The following IQGAP3 variants were observed in gnomAD, a reference collection of about 807,000 sequenced individuals.
IQGAP3 encodes the protein IQ motif containing GTPase activating protein 3.
A neutral mutation model predicts 208.2 loss-of-function variants in IQGAP3; 165 were observed. The observed-to-expected ratio is 0.79, with a 90% CI of 0.70 to 0.90. The LOEUF is 0.90. Among genes scored for constraint, IQGAP3 ranks in the 40% least tolerant of loss-of-function variants. The pLI is 0.00. For missense variants in IQGAP3, 1,811 were observed against 2,043.1 expected (o/e 0.89, Z 2.19); for synonymous variants, 703 against 803.6 (o/e 0.87, Z 2.12).
chr1:156,535,296 C>G, intron 27 of IQGAP3, 49 bp from the exon 28 acceptor site: 1 of 1,320,996 alleles, frequency 7.6e-7, no homozygotes. Context: ...GCCCATCTCT[C>G]TCTGCCAGAG....
rs1318857962 is a variant in IQGAP3 at position 156,544,444 on chromosome 1, T to G, written c.2333A>C (p.Lys778Thr). ...QAHWRGYRQR[K>T]IYLEWLQYFK... ...ATACTGCAACCACTCCAGGTAAATC[T>G]TCCGCTGCCTATAACCCCGCCAATG... Residue 778 changes from lysine to threonine, a missense_variant, in exon 20 of 38, where the codon AAG (lysine) becomes ACG (threonine). By Grantham distance (78) the Lys-to-Thr change is moderately conservative (BLOSUM62 -1). Transcript: ENST00000361170. 1.2e-6 allele frequency: 2 copies of G among 1,614,110 alleles called. No homozygotes were observed. The highest frequency in any genetic ancestry group is 3.3e-5 in the Admixed American group (2 of 60,018).
At chr1:156,544,087 G>C in intron 21 of IQGAP3, 37 bp from the exon 22 acceptor site, 2 of 1,613,080 alleles carry the variant, frequency 1.2e-6, no homozygotes, top group Non-Finnish European at 8.5e-7. Flanking sequence ...GTTGCTGGCT[G>C]TCCTTGCTCT....
chr1:156,530,327 C>T lies in IQGAP3; in HGVS notation c.4192-10G>A. On this transcript the variant is annotated splice_polypyrimidine_tract_variant and intron_variant, in intron 33 of 37. Coordinates refer to ENST00000361170, the MANE Select transcript of IQGAP3 (RefSeq NM_178229.5). ...GCTTGTGGGCTGCTTCCTGGGGACA[C>T]ACAGACGCTGGAGGGGTCTACCAGG... 1 of 1,602,888 alleles carries T rather than the reference C, an allele frequency of 6.2e-7. No homozygotes were observed. Among genetic ancestry groups the T allele is most frequent in the Non-Finnish European group, 8.5e-7 (1 of 1,179,042 alleles).
At chr1:156,532,906 C>T (rs1001333054) in intron 32 of IQGAP3, 74 bp downstream of exon 32, 2 of 1,563,306 alleles carry the variant, frequency 1.3e-6, no homozygotes, top group Non-Finnish European at 8.8e-7. Flanking sequence ...ATGGGCGCCT[C>T]AGAATAAGGC....
Position 156,529,981 on chromosome 1 carries a change from C to T in IQGAP3, c.4404+124G>A, listed in dbSNP as rs116399746. ...AAAAGGACCCTCAGCCTTCCTCTGG[C>T]TGGTGACAATTTTGGGTGAGGACTC... On this transcript the variant is annotated intron_variant, in intron 34 of 37. Transcript: ENST00000361170. 3,044 of 673,830 alleles carry T rather than the reference C, an allele frequency of 4.5e-3. 86 individuals carry two copies. The African/African-American group carries it at 0.051, about 11-fold the overall frequency. 41.7% of individuals were successfully genotyped at this position (673,830 alleles called of 1,614,324 possible).
chr1:156,560,217 AATT>A (rs1676081922), intron 11 of IQGAP3, among the ~76,000 whole-genome samples: 2 of 152,036 alleles, frequency 1.3e-5, no homozygotes, highest in African/African-American at 4.8e-5. Context: ...TGTAATAAAT[AATT>A]ATATTTGTGG....
Position 156,540,928 on chromosome 1 carries a change from G to A in IQGAP3, c.2531-12C>T. On this transcript the variant is annotated splice_polypyrimidine_tract_variant and intron_variant, in intron 22 of 37. Transcript: ENST00000361170. Reference sequence around the variant, plus strand: ...GTGGGGTGCATGCACTGGGAGGAAGGGAGGAGGCATCAGGATTAGCCATGC... The same window carrying A: ...GTGGGGTGCATGCACTGGGAGGAAGAGAGGAGGCATCAGGATTAGCCATGC... 6.2e-7 allele frequency: 1 copy of A among 1,610,206 alleles called. No homozygotes were observed.
intron 2 of IQGAP3, 39 bp from the exon 3 acceptor site, chr1:156,566,585 A>G: frequency 1.9e-6 from 3 of 1,601,028 alleles, no homozygotes; most frequent in Non-Finnish European, 2.6e-6. Flanking sequence ...ACTCTGGCAG[A>G]CCACAGTGAT....
intron 16 of IQGAP3, 146 bp downstream of exon 16, chr1:156,550,115 G>A (rs1675474224): frequency 8.1e-6 from 5 of 620,424 alleles, no homozygotes; most frequent in African/African-American, 3.7e-5. Context: ...CTGAACAGCA[G>A]CCCTCCTGCT....
rs761789610 is a variant in IQGAP3 at position 156,548,787 on chromosome 1, C to T, written c.1826-39G>A. 13 of 1,511,484 alleles carry T rather than the reference C, an allele frequency of 8.6e-6. No homozygotes were observed. The East Asian group carries it at 2.5e-4, about 29-fold the overall frequency. The allele number at this position is 1,511,484 out of a possible 1,614,324, so 93.6% of individuals were successfully genotyped here. A position where few individuals can be genotyped will look rare whatever the true frequency, so the allele number is the denominator to read the frequency against. On this transcript the variant is annotated intron_variant, in intron 16 of 37. Transcript: ENST00000361170. The stretch of plus-strand genomic sequence containing the variant: ...CAGGAGAGAGCAGTCAATCCTTCCC[C>T]CGAGTCCCTCCCATGGGCCTTGGCC...
In IQGAP3 at chr1:156,528,920, A is replaced by C. The variant is rs758575418; in HGVS notation, c.4567T>G (p.Ser1523Ala). Residue 1523 changes from serine to alanine, a missense_variant, in exon 35 of 38, where the codon TCC (serine) becomes GCC (alanine). Physicochemically the swap from Ser to Ala is moderately conservative, Grantham distance 99. Transcript: ENST00000361170. Reference sequence around the variant, plus strand: ...GTACGGGAAAGCAGCACCTACTTGGAGTCGGGGGCCAGGTGGTCCAGGCAG... The same window carrying C: ...GTACGGGAAAGCAGCACCTACTTGGCGTCGGGGGCCAGGTGGTCCAGGCAG... ...RACLDHLAPDSKSSGKGKKQP... is the reference protein window; with the variant it reads ...RACLDHLAPDAKSSGKGKKQP... The C allele has an allele frequency of 1.9e-6, 3 of 1,614,156 alleles. No homozygotes were observed. In the South Asian group the frequency reaches 3.3e-5, roughly 18 times the overall value.
intron 24 of IQGAP3, 95 bp downstream of exon 24, chr1:156,539,743 C>T (rs893855813): frequency 2.8e-6 from 4 of 1,422,918 alleles, no homozygotes; most frequent in African/African-American, 2.8e-5. Flanking sequence ...GGAAAGGACA[C>T]CTTGCATGGT....
At position 156,531,146 on chromosome 1, in the gene IQGAP3, G is replaced by A; in HGVS notation, c.4191+14C>T. On this transcript the variant is annotated intron_variant, in intron 33 of 37. Coordinates refer to ENST00000361170, the MANE Select transcript of IQGAP3 (RefSeq NM_178229.5). ...TGAATGAGACAGAACCTGTGGGCCAGCCCGGCTACTCACTTGCTCTCTGGA... is the reference window on the plus strand; with the variant it reads ...TGAATGAGACAGAACCTGTGGGCCAACCCGGCTACTCACTTGCTCTCTGGA... 6.3e-7 allele frequency: 1 copy of A among 1,591,590 alleles called. No individual in the cohort carries two copies. Among genetic ancestry groups the A allele is most frequent in the Non-Finnish European group, 8.6e-7 (1 of 1,159,584 alleles).
At position 156,530,333 on chromosome 1, in the gene IQGAP3, C is replaced by A; in HGVS notation, c.4192-16G>T. The stretch of plus-strand genomic sequence containing the variant: ...GGGCTGCTTCCTGGGGACACACAGA[C>A]GCTGGAGGGGTCTACCAGGTCCTAC... On this transcript the variant is annotated splice_polypyrimidine_tract_variant and intron_variant, in intron 33 of 37. Transcript: ENST00000361170. The A allele has an allele frequency of 6.3e-7, 1 of 1,599,374 alleles. No homozygotes were observed. The highest frequency in any genetic ancestry group is 8.5e-7 in the Non-Finnish European group (1 of 1,177,596).
At chr1:156,551,100 A>G (rs1038977055) in intron 15 of IQGAP3, among the ~76,000 whole-genome samples, 2 of 152,248 alleles carry the variant, frequency 1.3e-5, no homozygotes, top group African/African-American at 4.8e-5. Context: ...TAAGGACTCA[A>G]TAAATGTTAG....
At position 156,550,363 on chromosome 1, in the gene IQGAP3, A is replaced by C; in HGVS notation, c.1735-12T>G. The C allele has an allele frequency of 6.2e-7, 1 of 1,609,580 alleles. No individual in the cohort carries two copies. The highest frequency in any genetic ancestry group is 8.5e-7 in the Non-Finnish European group (1 of 1,176,254). On this transcript the variant is annotated splice_polypyrimidine_tract_variant and intron_variant, in intron 15 of 37. Transcript: ENST00000361170. ...GGATCCCCTGTCACCTGGCAGATTG[A>C]GGGAGAAAAAAAAGATGTGACCCCA...
At chr1:156,532,883 G>C in intron 32 of IQGAP3, 97 bp downstream of exon 32, 2 of 1,342,742 alleles carry the variant, frequency 1.5e-6, no homozygotes, top group South Asian at 2.5e-5. Flanking sequence ...AGGGAGCCCA[G>C]GAAGAAGGTG....
intron 10 of IQGAP3, 32 bp from the exon 11 acceptor site, chr1:156,561,053 G>A: frequency 6.7e-7 from 1 of 1,495,400 alleles, no homozygotes; most frequent in South Asian, 1.1e-5. Context: ...GTAGAATGGA[G>A]TCCTTCCGGG....
At chr1:156,531,761 C>A (rs1452582106) in intron 32 of IQGAP3, among the ~76,000 whole-genome samples, 1 of 152,020 alleles carries the variant, frequency 6.6e-6, no homozygotes, top group Non-Finnish European at 1.5e-5. Context: ...CCTGCCACCA[C>A]ACCCAGCTAA....
Sources: gnomAD v4.1 joint callset for allele counts (sites outside exome capture counted in the v4.1 genomes callset) on GRCh38, gnomAD v4.1.1 for gene constraint, MANE v1.5 for transcripts, NCBI Gene and HGNC (gene_info 2026-07-23, HGNC 2026-07-21) for gene names.